Variants in APBB1 observed in about 807,000 individuals in gnomAD.
APBB1 encodes amyloid beta precursor protein binding family B member 1, also known as adaptor protein FE65a2.
A neutral mutation model predicts 78.4 loss-of-function variants in APBB1; 22 were observed. The observed-to-expected ratio is 0.28, with a 90% CI of 0.20 to 0.40. APBB1 has a LOEUF of 0.40. Among genes scored for constraint, APBB1 ranks in the 10% least tolerant of loss-of-function variants. The pLI, the probability that APBB1 is intolerant of heterozygous loss-of-function variation, is 1.00. For missense variants in APBB1, 749 were observed against 932.4 expected (o/e 0.80, Z 2.56); for synonymous variants, 369 against 372.7 (o/e 0.99, Z 0.12).
At chr11:6,398,162 C>T (rs1359245180) in intron 12 of APBB1, among the ~76,000 whole-genome samples, 1 of 152,140 alleles carries the variant, frequency 6.6e-6, no homozygotes, top group Admixed American at 6.5e-5. Flanking sequence ...AAAACCTACA[C>T]TGTGACCTTG....
At chr11:6,406,499 T>C (rs1339180934) in intron 2 of APBB1, among the ~76,000 whole-genome samples, 2 of 152,228 alleles carry the variant, frequency 1.3e-5, no homozygotes, top group Non-Finnish European at 2.9e-5. Flanking sequence ...AAATGATTCT[T>C]CTGAGATGCT....
At position 6,402,204 on chromosome 11, in the gene APBB1, C is replaced by T; in HGVS notation, c.1260G>A (p.Lys420=). 6.2e-7 allele frequency: 1 copy of T among 1,613,648 alleles called. No individual in the cohort carries two copies. The highest frequency in any genetic ancestry group is 1.1e-5 in the South Asian group (1 of 91,086). Residue 420 remains lysine, a synonymous_variant, in exon 8 of 15, where the codon AAG becomes AAA. Coordinates refer to ENST00000609360, the MANE Select transcript of APBB1 (RefSeq NM_001164.5). ...CATCCTCCAGCTGCAGTAGCAGATC[C>T]TTTCCCTGCAGGACCAGAAGCAGGC... ...DPMSGGWGEG[K]DLLLQLEDET... is the part of the protein sequence containing the mutation.
At chr11:6,398,696 C>T (rs1336284776) in intron 12 of APBB1, among the ~76,000 whole-genome samples, 1 of 152,214 alleles carries the variant, frequency 6.6e-6, no homozygotes, top group Non-Finnish European at 1.5e-5. Context: ...TTCTCACCTC[C>T]AGCTCCAAGT....
In APBB1 at chr11:6,410,855, C is replaced by A. The variant is rs567955106; in HGVS notation, c.493G>T (p.Asp165Tyr). Residue 165 changes from aspartate (D) to tyrosine (Y), a missense_variant, in exon 2 of 15, where the codon GAT becomes TAT. Asp to Tyr is a radical substitution (Grantham distance 160). Around this residue, in one of 3 missense-constraint regions of APBB1, gnomAD observed 635 missense variants for 765.0 expected, o/e 0.83. Transcript: ENST00000609360. ...GEAEEEEEDD[D>Y]DEEEEEDLSS... ...AAGTCCTCCTCCTCCTCTTCATCAT[C>A]ATCATCCTCCTCCTCCTCCTCGGCC... 6.2e-7 allele frequency: 1 copy of A among 1,613,992 alleles called. No homozygotes were observed. Among genetic ancestry groups the A allele is most frequent in the Non-Finnish European group, 8.5e-7 (1 of 1,179,954 alleles).
At chr11:6,418,125 A>G (rs1221101174) in intron 1 of APBB1, among the ~76,000 whole-genome samples, 4 of 152,230 alleles carry the variant, frequency 2.6e-5, no homozygotes, top group African/African-American at 9.7e-5. Flanking sequence ...ACCAGCATCT[A>G]AAGAGAGGAG....
chr11:6,398,821 A>G (rs576800093), intron 12 of APBB1, among the ~76,000 whole-genome samples: 1 of 152,346 alleles, frequency 6.6e-6, no homozygotes, highest in East Asian at 1.9e-4. Context: ...CCCTCTTTCA[A>G]TGTAAGATTT....
At chr11:6,407,670 G>A (rs987833112) in intron 2 of APBB1, among the ~76,000 whole-genome samples, 1 of 152,182 alleles carries the variant, frequency 6.6e-6, no homozygotes, top group Admixed American at 6.5e-5. Context: ...CAGCTGGAGT[G>A]CAGGAGGGGC....
At position 6,403,444 on chromosome 11, in the gene APBB1, C is replaced by T; in HGVS notation, c.955-40G>A. On this transcript the variant is annotated intron_variant, in intron 4 of 14. Coordinates refer to ENST00000609360, the MANE Select transcript of APBB1 (RefSeq NM_001164.5). The surrounding 1 kb of genome is among the most constrained non-coding windows in gnomAD (Gnocchi z 5.3). ...TGAGGAATCAGTATCAAAATGATGC[C>T]CCTCCTCCAGCTATCCCGTGGTAAA... The T allele has an allele frequency of 1.9e-6, 3 of 1,614,030 alleles. No individual in the cohort carries two copies. The highest frequency in any genetic ancestry group is 2.5e-6 in the Non-Finnish European group (3 of 1,179,928).
Position 6,401,706 on chromosome 11 carries a change from C to T in APBB1, c.1389-18G>A, listed in dbSNP as rs555464646. On this transcript the variant is annotated intron_variant, in intron 9 of 14. Coordinates refer to ENST00000609360, the MANE Select transcript of APBB1 (RefSeq NM_001164.5). The surrounding 1 kb of genome is among the most constrained non-coding windows in gnomAD (Gnocchi z 4.5). ...CAAAGTCCCTGTTGGGGAAGGGGCA[C>T]CTCAGTGTCTCCCAGTACCATCCAG... 1 of 1,613,358 alleles carries T rather than the reference C, an allele frequency of 6.2e-7. No individual in the cohort carries two copies. The highest frequency in any genetic ancestry group is 1.1e-5 in the South Asian group (1 of 90,996).
chr11:6,403,968 CTATAGT>C lies in APBB1; in HGVS notation c.722-152_722-147del. 1 of 906,530 alleles carries C rather than the reference CTATAGT, an allele frequency of 1.1e-6. No homozygotes were observed. Among genetic ancestry groups the C allele is most frequent in the Non-Finnish European group, 1.6e-6 (1 of 628,542 alleles). The allele number at this position is 906,530 out of a possible 1,614,324, so 56.2% of individuals were successfully genotyped here. On this transcript the variant is annotated intron_variant, in intron 2 of 14. Transcript: ENST00000609360. This position sits in a 1 kb window ranked among gnomAD's most constrained non-coding sequence, Gnocchi z 5.3. ...CACAGTTCCTGCTTCTGCCTAGAGC[CTATAGT>C]CTGGAGTCACCACATGTGGGGCCAC...
intron 12 of APBB1, among the ~76,000 whole-genome samples, chr11:6,398,863 A>G (rs559185072): frequency 4.8e-4 from 73 of 152,362 alleles, no homozygotes; most frequent in Admixed American, 4.7e-3. Flanking sequence ...TATAAGGGAA[A>G]GTGCAGAGAA....
chr11:6,404,731 A>G (rs898010180), intron 2 of APBB1: 1 of 1,536,214 alleles, frequency 6.5e-7, no homozygotes, highest in Non-Finnish European at 8.7e-7. Flanking sequence ...GCCCAACCTC[A>G]TGCTGCCCCT....
chr11:6,408,739 C>G (rs978523979), intron 2 of APBB1, among the ~76,000 whole-genome samples: 1 of 151,886 alleles, frequency 6.6e-6, no homozygotes, highest in Non-Finnish European at 1.5e-5. Context: ...CCTGACCTCA[C>G]GTGATCCACC....
At chr11:6,405,245 G>A in intron 2 of APBB1, 1 of 1,014,352 alleles carries the variant, frequency 9.9e-7, no homozygotes, top group Non-Finnish European at 1.2e-6. Flanking sequence ...TAAATAGGGT[G>A]TGGTTTCAAG....
intron 1 of APBB1, among the ~76,000 whole-genome samples, chr11:6,416,053 A>G (rs1211509388): frequency 6.6e-6 from 1 of 152,110 alleles, no homozygotes; most frequent in Non-Finnish European, 1.5e-5. Flanking sequence ...ACTCAGTAAC[A>G]GCTCCTACCA....
rs73398870 is a variant in APBB1 at position 6,402,912 on chromosome 11, T to C, written c.1105-187A>G. The C allele has an allele frequency of 0.012, 9,617 of 819,150 alleles. 683 individuals are homozygous for C. In the African/African-American group the frequency reaches 0.15, roughly 13 times the overall value. The allele number at this position is 819,150 out of a possible 1,614,324, so 50.7% of individuals were successfully genotyped here. Reference sequence around the variant, plus strand: ...AGATGTCAGATGAGACCCCAGCTAGTACAAAAAAGCACCTGAACTAAGACT... The same window carrying C: ...AGATGTCAGATGAGACCCCAGCTAGCACAAAAAAGCACCTGAACTAAGACT... On this transcript the variant is annotated intron_variant, in intron 6 of 14. Transcript: ENST00000609360.
chr11:6,409,521 T>C (rs746448281), intron 2 of APBB1, among the ~76,000 whole-genome samples: 3 of 152,202 alleles, frequency 2.0e-5, no homozygotes, highest in Non-Finnish European at 4.4e-5. Flanking sequence ...TATTCTTTTC[T>C]CTCTATTTTT....
intron 12 of APBB1, among the ~76,000 whole-genome samples, chr11:6,400,528 C>T (rs1324416662): frequency 4.4e-5 from 6 of 136,990 alleles, no homozygotes; most frequent in African/African-American, 1.7e-4. Context: ...GCGGACAGAG[C>T]GAGACTTGTC....
In APBB1 at chr11:6,395,870, G is replaced by A. The variant is rs773526520; in HGVS notation, c.1881C>T (p.Ala627=). 85 of 1,613,950 alleles carry A rather than the reference G, an allele frequency of 5.3e-5. No individual in the cohort carries two copies. The Middle Eastern group carries it at 6.6e-4, about 12-fold the overall frequency. Residue 627 remains alanine (A), a synonymous_variant, in exon 14 of 15, where the codon GCC becomes GCT. Transcript: ENST00000609360. The surrounding 1 kb of genome is among the most constrained non-coding windows in gnomAD (Gnocchi z 5.2). ...DVHTFAFIMA[A]GPASFCCHMF... ...TGTGGCAGCAGAAGGAGGCTGGGCC[G>A]GCAGCCATGATGAATGCAAACGTGT...
Sources: gnomAD v4.1 joint callset for allele counts (sites outside exome capture counted in the v4.1 genomes callset) on GRCh38, gnomAD v4.1.1 for gene constraint, gnomAD v4.1.1 regional missense constraint, Gnocchi (gnomAD v3.1) non-coding constraint, MANE v1.5 for transcripts, NCBI Gene and HGNC (gene_info 2026-07-23, HGNC 2026-07-21) for gene names.